The following CXADR variants were observed in gnomAD, a reference collection of about 807,000 sequenced individuals.
CXADR encodes the protein CXADR cell adhesion molecule.
Under a neutral mutation model 40.3 loss-of-function variants are expected in CXADR, and 20 were observed. The observed-to-expected ratio is 0.50, with a 90% CI of 0.35 to 0.72. CXADR has a LOEUF of 0.72. CXADR is among the 30% of genes least tolerant of loss of function. The probability of loss-of-function intolerance (pLI) is 0.01; values close to 1 mark genes in which losing one functional copy is unlikely to be tolerated. For missense variants in CXADR, 332 were observed against 449.1 expected (o/e 0.74, Z 2.36); for synonymous variants, 150 against 161.3 (o/e 0.93, Z 0.53).
the CXADR span, among the ~76,000 whole-genome samples, chr21:17,603,087 A>G: frequency 7.2e-5 from 11 of 152,248 alleles, no homozygotes; most frequent in African/African-American, 2.2e-4. Flanking sequence ...TCATGGGTTA[A>G]GAAACCACAC....
chr21:17,548,944 A>T (rs975237066), intron 2 of CXADR, among the ~76,000 whole-genome samples: 3 of 152,206 alleles, frequency 2.0e-5, no homozygotes, highest in African/African-American at 7.2e-5. Flanking sequence ...GCAGAAGAGG[A>T]TGCATACATG....
intron 2 of CXADR, 103 bp downstream of exon 2, chr21:17,547,296 G>C: frequency 6.6e-7 from 1 of 1,503,946 alleles, no homozygotes; most frequent in East Asian, 2.3e-5. Flanking sequence ...GAGCTAGGAA[G>C]GAAGCCCCCC....
the CXADR span, chr21:17,609,070 C>G: frequency 1.2e-6 from 2 of 1,613,952 alleles, no homozygotes; most frequent in African/African-American, 2.7e-5. Context: ...TCTCAACTGC[C>G]TCTTTTTTCA....
chr21:17,561,705 AC>A (rs2061124289), intron 6 of CXADR, among the ~76,000 whole-genome samples: 1 of 152,098 alleles, frequency 6.6e-6, no homozygotes, highest in Admixed American at 6.5e-5. Context: ...CATTTTAAGA[AC>A]CACTGCCAAA....
In CXADR at chr21:17,569,231, T is replaced by G; in HGVS notation, c.*3539T>G. On this transcript the variant is annotated 3_prime_UTR_variant, in exon 7 of 7. Transcript: ENST00000284878. ...TTCACTTCAGCAGTGTTTAGGGCTT[T>G]CAGATGCCTTATTCCAGTGTGAACA... 1.0e-6 allele frequency: 1 copy of G among 985,402 alleles called. No homozygotes were observed. The highest frequency in any genetic ancestry group is 1.2e-6 in the Non-Finnish European group (1 of 829,926). The allele number at this position is 985,402 out of a possible 1,614,324, so 61.0% of individuals were successfully genotyped here.
intron 7 of CXADR, among the ~76,000 whole-genome samples, chr21:17,579,538 C>T (rs1483037177): frequency 6.6e-6 from 1 of 152,214 alleles, no homozygotes; most frequent in East Asian, 1.9e-4. Context: ...CCTGCCTTGG[C>T]CTCCCAAAGT....
chr21:17,628,535 C>G, the CXADR span, among the ~76,000 whole-genome samples: 6 of 151,848 alleles, frequency 4.0e-5, no homozygotes, highest in African/African-American at 1.2e-4. Context: ...GAGTCTCGCT[C>G]TGTCGTCCAG....
the CXADR span, among the ~76,000 whole-genome samples, chr21:17,601,039 T>A: frequency 2.0e-5 from 3 of 152,070 alleles, no homozygotes; most frequent in Admixed American, 6.5e-5. Context: ...GGTGTGCGCC[T>A]GTAATCCCAG....
intron 1 of CXADR, among the ~76,000 whole-genome samples, chr21:17,520,288 CAT>C (rs1380641528): frequency 1.3e-5 from 2 of 152,132 alleles, no homozygotes; most frequent in South Asian, 2.1e-4. Context: ...TTTGCAAAGA[CAT>C]AGAGATCTGA....
chr21:17,561,343 A>C lies in CXADR; in HGVS notation c.700A>C (p.Asn234His), dbSNP rs756589633. The change falls in exon 6 of 7, where the codon AAT (asparagine) becomes CAT (histidine). Residue 234 changes from asparagine (N) to histidine (H), a missense_variant. By Grantham distance (68) the Asn-to-His change is moderately conservative (BLOSUM62 1). This residue lies in a region of CXADR where 150 missense variants were observed against 194.2 expected (regional missense o/e 0.77). Coordinates refer to ENST00000284878, the MANE Select transcript of CXADR (RefSeq NM_001338.5). ...ATTAATTCTTCTTATTTTAGCTTCA[A>C]ATAAAGCTGGACTAATTGCAGGAGC... ...LLRLNVVPPS[N>H]KAGLIAGAII... 18 of 1,564,576 alleles carry C rather than the reference A, an allele frequency of 1.2e-5. No homozygotes were observed. The highest frequency in any genetic ancestry group is 8.2e-5 in the African/African-American group (6 of 72,828).
At chr21:17,611,848 C>T in the CXADR span, 1 of 152,228 alleles carries the variant, frequency 6.6e-6, no homozygotes, top group Non-Finnish European at 1.5e-5. Context: ...TTGTACTTTT[C>T]CCTCCCTTGT....
At chr21:17,608,775 C>T in the CXADR span, 3 of 491,934 alleles carry the variant, frequency 6.1e-6, no homozygotes, top group Admixed American at 3.9e-5. Context: ...CTCCTGTGTC[C>T]AGGCAGTGGG....
intron 7 of CXADR, among the ~76,000 whole-genome samples, chr21:17,586,144 G>A (rs749076134): frequency 4.0e-5 from 6 of 151,712 alleles, no homozygotes; most frequent in Non-Finnish European, 5.9e-5. Flanking sequence ...TAGTTCCCTC[G>A]TCATTAGTGT....
At chr21:17,614,467 G>T in the CXADR span, among the ~76,000 whole-genome samples, 1 of 152,162 alleles carries the variant, frequency 6.6e-6, no homozygotes, top group Non-Finnish European at 1.5e-5. Context: ...TCTCAGGCTG[G>T]GCACTGTAGC....
intron 7 of CXADR, among the ~76,000 whole-genome samples, chr21:17,590,859 T>C (rs2061429972): frequency 6.6e-6 from 1 of 152,086 alleles, no homozygotes; most frequent in African/African-American, 2.4e-5. Flanking sequence ...GTCTTCACTC[T>C]ACTGGGTTGT....
At chr21:17,555,030 C>G (rs1856649442) in intron 3 of CXADR, among the ~76,000 whole-genome samples, 1 of 152,132 alleles carries the variant, frequency 6.6e-6, no homozygotes, top group Non-Finnish European at 1.5e-5. Context: ...CTTGCTCTTT[C>G]AGACACAGCA....
At chr21:17,609,207 T>C in the CXADR span, 1 of 1,539,444 alleles carries the variant, frequency 6.5e-7, no homozygotes, top group Non-Finnish European at 8.8e-7. Flanking sequence ...ACTGGGAAGA[T>C]GAAGCTCTGT....
intron 1 of CXADR, among the ~76,000 whole-genome samples, chr21:17,531,151 A>T (rs2060669727): frequency 6.6e-6 from 1 of 151,722 alleles, no homozygotes; most frequent in Non-Finnish European, 1.5e-5. Context: ...TACAAAGCTT[A>T]GTTGGTCGTG....
the CXADR span, among the ~76,000 whole-genome samples, chr21:17,617,519 A>G: frequency 6.6e-6 from 1 of 152,238 alleles, no homozygotes; most frequent in African/African-American, 2.4e-5. Flanking sequence ...TTGCGAGTTC[A>G]GTTCCAAACC....
Sources: gnomAD v4.1 joint callset for allele counts (sites outside exome capture counted in the v4.1 genomes callset) on GRCh38, gnomAD v4.1.1 for gene constraint, gnomAD v4.1.1 regional missense constraint, MANE v1.5 for transcripts, NCBI Gene and HGNC (gene_info 2026-07-23, HGNC 2026-07-21) for gene names.